Variants in FCGR1A observed in about 807,000 individuals in gnomAD.
FCGR1A encodes the protein high affinity immunoglobulin gamma Fc receptor I.
FCGR1A carries 13 observed loss-of-function variants against 35.0 expected under a neutral mutation model. That is an observed-to-expected ratio of 0.37 (90% CI 0.24 to 0.59). The LOEUF (loss-of-function observed/expected upper bound fraction) is 0.59. Among genes scored for constraint, FCGR1A ranks in the 20% least tolerant of loss-of-function variants. The pLI is 0.71. For missense variants in FCGR1A, 227 were observed against 430.0 expected (o/e 0.53, Z 4.17); for synonymous variants, 91 against 164.7 (o/e 0.55, Z 3.43).
At position 149,790,302 on chromosome 1, in the gene FCGR1A, C is replaced by T. The variant is rs1571396288; in HGVS notation, c.808C>T (p.Leu270Phe). 4 of 1,587,864 alleles carry T rather than the reference C, an allele frequency of 2.5e-6. No individual in the cohort carries two copies. Among genetic ancestry groups the T allele is most frequent in the Non-Finnish European group, 3.4e-6 (4 of 1,166,954 alleles). ...GGCTGCCACAGAGGATGGAAATGTCCTTAAGCGCAGCCCTGAGTTGGAGCT... is the reference window on the plus strand; with the variant it reads ...GGCTGCCACAGAGGATGGAAATGTCTTTAAGCGCAGCCCTGAGTTGGAGCT... ...CEAATEDGNV[L>F]KRSPELELQV... The change falls in exon 5 of 6, where the codon CTT becomes TTT. Residue 270 changes from leucine to phenylalanine, a missense_variant. Physicochemically the swap from Leu to Phe is conservative, Grantham distance 22. Around this residue, in one of 3 missense-constraint regions of FCGR1A, gnomAD observed 185 missense variants for 306.6 expected, o/e 0.60. Transcript: ENST00000369168.
intron 3 of FCGR1A, among the ~76,000 whole-genome samples, chr1:149,785,434 T>TTA (rs2091521160): frequency 7.0e-6 from 1 of 142,016 alleles, no homozygotes; most frequent in Admixed American, 7.0e-5. Context: ...TTTTTTTTTT[T>TTA]GAGACAGAGT....
At chr1:149,795,932 G>A (rs1353118655), downstream of FCGR1A, among the ~76,000 whole-genome samples, 6 of 150,790 alleles carry the variant, frequency 4.0e-5, no homozygotes, top group Non-Finnish European at 8.8e-5. Flanking sequence ...AAGACCCTAA[G>A]ACACATATAC....
chr1:149,796,354 G>A (rs1553752774), downstream of FCGR1A, among the ~76,000 whole-genome samples: 1 of 152,136 alleles, frequency 6.6e-6, no homozygotes, highest in African/African-American at 2.4e-5. Context: ...AGGGATTCTC[G>A]AGAAGTAAAT....
chr1:149,785,407 C>CCTTTTTTT (rs1553750700), intron 3 of FCGR1A, among the ~76,000 whole-genome samples: 24 of 74,530 alleles, frequency 3.2e-4, no homozygotes, highest in Non-Finnish European at 5.0e-4. Flanking sequence ...AGAGCTGTTT[C>CCTTTTTTT]GTTTTTTTTT....
At chr1:149,796,156 G>C (rs1553752760), downstream of FCGR1A, among the ~76,000 whole-genome samples, 2 of 152,106 alleles carry the variant, frequency 1.3e-5, 1 homozygote, top group African/African-American at 4.8e-5. Context: ...ATGAGGGTAA[G>C]AAGTTCAGTT....
chr1:149,793,091 G>A (rs1361607199), downstream of FCGR1A: 6 of 1,273,952 alleles, frequency 4.7e-6, no homozygotes, highest in Non-Finnish European at 6.1e-6. Context: ...TGCAGCTGCC[G>A]CCAAGCCCCG....
chr1:149,790,185 A>G lies in FCGR1A; in HGVS notation c.691A>G (p.Met231Val), dbSNP rs1553751550. The change falls in exon 5 of 6, where the codon ATG becomes GTG. Residue 231 changes from methionine to valine, a missense_variant. Met to Val is a conservative substitution (Grantham distance 21). Transcript: ENST00000369168. The part of the protein sequence containing the change: ...PGLQLYFSFY[M>V]GSKTLRGRNT... ...TTTGCAGCTTTACTTCTCCTTCTAC[A>G]TGGGCAGCAAGACCCTGCGAGGCAG... The G allele has an allele frequency of 1.9e-6, 3 of 1,613,926 alleles. No individual in the cohort carries two copies. The highest frequency in any genetic ancestry group is 1.1e-5 in the South Asian group (1 of 91,066).
chr1:149,790,133 A>T lies in FCGR1A; in HGVS notation c.639A>T (p.Glu213Asp), dbSNP rs2091666728. The T allele has an allele frequency of 6.2e-7, 1 of 1,613,800 alleles. No homozygotes were observed. The highest frequency in any genetic ancestry group is 1.7e-5 in the Admixed American group (1 of 59,996). ...GGAATCTGGTCACCCTGAGCTGTGAAACAAAGTTGCTCTTGCAGAGGCCTG... is the reference window on the plus strand; with the variant it reads ...GGAATCTGGTCACCCTGAGCTGTGATACAAAGTTGCTCTTGCAGAGGCCTG... ...LEGNLVTLSC[E>D]TKLLLQRPGL... Residue 213 changes from glutamate to aspartate, a missense_variant, in exon 5 of 6, where the codon GAA becomes GAT. Physicochemically the swap from Glu to Asp is conservative, Grantham distance 45. Around this residue, in one of 3 missense-constraint regions of FCGR1A, gnomAD observed 185 missense variants for 306.6 expected, o/e 0.60. Coordinates refer to ENST00000369168, the MANE Select transcript of FCGR1A (RefSeq NM_000566.4).
At position 149,791,612 on chromosome 1, in the gene FCGR1A, C is replaced by G; in HGVS notation, c.*95C>G. The G allele has an allele frequency of 6.5e-7, 1 of 1,534,718 alleles. No homozygotes were observed. Among genetic ancestry groups the G allele is most frequent in the Non-Finnish European group, 8.7e-7 (1 of 1,143,382 alleles). Reference sequence around the variant, plus strand: ...CAAACATCCAAAAGTTCAACAACACCAGAACTGTGTGTCTCATGGTATGTA... The same window carrying G: ...CAAACATCCAAAAGTTCAACAACACGAGAACTGTGTGTCTCATGGTATGTA... On this transcript the variant is annotated 3_prime_UTR_variant, in exon 6 of 6. Coordinates refer to ENST00000369168, the MANE Select transcript of FCGR1A (RefSeq NM_000566.4).
At chr1:149,796,827 G>A in the FCGR1A span, among the ~76,000 whole-genome samples, 3 of 152,186 alleles carry the variant, frequency 2.0e-5, no homozygotes, top group African/African-American at 4.8e-5. Flanking sequence ...CTCACACTCA[G>A]TCGGTGGCTT....
At chr1:149,789,966 T>C (rs1367874162) in intron 4 of FCGR1A, 88 bp from the exon 5 acceptor site, 5 of 1,610,964 alleles carry the variant, frequency 3.1e-6, no homozygotes, top group South Asian at 1.1e-5. Context: ...TAGGGCCAGG[T>C]TTCCCAAGGG....
intron 3 of FCGR1A, among the ~76,000 whole-genome samples, chr1:149,785,407 C>CCTT (rs1553750700): frequency 0.019 from 1,435 of 74,472 alleles, 160 homozygotes; most frequent in African/African-American, 0.055. Context: ...AGAGCTGTTT[C>CCTT]GTTTTTTTTT....
downstream of FCGR1A, chr1:149,793,290 C>T: frequency 8.3e-7 from 1 of 1,199,168 alleles, no homozygotes; most frequent in Non-Finnish European, 1.1e-6. Flanking sequence ...CCGCCCGCCT[C>T]CCCGTCCAGC....
Position 149,788,419 on chromosome 1 carries a change from G to C in FCGR1A, c.361G>C (p.Ala121Pro). Reference sequence around the variant, plus strand: ...AGTCTTCACGGAAGGAGAACCTCTGGCCTTGAGGTGTCATGCGTGGAAGGA... The same window carrying C: ...AGTCTTCACGGAAGGAGAACCTCTGCCCTTGAGGTGTCATGCGTGGAAGGA... ...SRVFTEGEPLALRCHAWKDKL... is the reference protein window; with the variant it reads ...SRVFTEGEPLPLRCHAWKDKL... Residue 121 changes from alanine (A) to proline (P), a missense_variant, in exon 4 of 6, where the codon GCC becomes CCC. Transcript: ENST00000369168. 6.2e-7 allele frequency: 1 copy of C among 1,613,664 alleles called. No homozygotes were observed. The highest frequency in any genetic ancestry group is 2.2e-5 in the East Asian group (1 of 44,868).
chr1:149,790,016 A>C, intron 4 of FCGR1A, 38 bp from the exon 5 acceptor site: 1 of 1,611,782 alleles, frequency 6.2e-7, no homozygotes, highest in Non-Finnish European at 8.5e-7. Flanking sequence ...CCTGGATGCT[A>C]AACAGGCAAC....
chr1:149,784,908 A>T (rs1553750658), intron 3 of FCGR1A, among the ~76,000 whole-genome samples: 2 of 151,864 alleles, frequency 1.3e-5, no homozygotes, highest in African/African-American at 4.8e-5. Context: ...AATTTATAAG[A>T]TGTTTCCACT....
intron 3 of FCGR1A, among the ~76,000 whole-genome samples, chr1:149,784,801 A>T (rs2091497497): frequency 6.6e-6 from 1 of 151,454 alleles, no homozygotes; most frequent in African/African-American, 2.4e-5. Flanking sequence ...TATCACTTAA[A>T]ATACCTTAAA....
chr1:149,797,132 C>A, the FCGR1A span, among the ~76,000 whole-genome samples: 1 of 152,204 alleles, frequency 6.6e-6, no homozygotes, highest in African/African-American at 2.4e-5. Context: ...AGGCTGGTCT[C>A]AAACTCTTGA....
the FCGR1A span, among the ~76,000 whole-genome samples, chr1:149,799,791 T>C: frequency 6.6e-6 from 1 of 152,208 alleles, no homozygotes; most frequent in Non-Finnish European, 1.5e-5. Flanking sequence ...TTCTGGCTTA[T>C]CTTGATCATC....
Sources: gnomAD v4.1 joint callset for allele counts (sites outside exome capture counted in the v4.1 genomes callset) on GRCh38, gnomAD v4.1.1 for gene constraint, gnomAD v4.1.1 regional missense constraint, MANE v1.5 for transcripts, NCBI Gene and HGNC (gene_info 2026-07-23, HGNC 2026-07-21) for gene names.